Variants in MGST1 observed in about 807,000 individuals in gnomAD.
MGST1 encodes microsomal glutathione S-transferase 1.
In MGST1, 5 loss-of-function variants were observed where a neutral mutation model predicts 8.9. The observed-to-expected ratio is 0.56, with a 90% CI of 0.29 to 1.19. The LOEUF is 1.19. MGST1 is among the 50% of genes most tolerant of loss of function. MGST1 has a pLI of 0.08. For missense variants in MGST1, 182 were observed against 187.4 expected, an observed-to-expected ratio of 0.97 and a Z score of 0.17; for synonymous variants, 54 against 67.8, an observed-to-expected ratio of 0.80 and a Z score of 1.00.
At chr12:16,355,759 G>A (rs897882162) in intron 2 of MGST1, among the ~76,000 whole-genome samples, 1 of 152,202 alleles carries the variant, frequency 6.6e-6, no homozygotes, top group African/African-American at 2.4e-5. Context: ...ACACTTGTTA[G>A]CATTGTCAGG....
intron 3 of MGST1, among the ~76,000 whole-genome samples, chr12:16,371,961 T>A (rs1263623649): frequency 6.6e-6 from 1 of 152,104 alleles, no homozygotes; most frequent in Non-Finnish European, 1.5e-5. Context: ...TAAATGCTAC[T>A]GGGAAAATTG....
Position 16,363,782 on chromosome 12 carries a change from T to C in MGST1, c.222-13T>C, listed in dbSNP as rs931662084. 1.3e-6 allele frequency: 2 copies of C among 1,579,438 alleles called. No homozygotes were observed. Among genetic ancestry groups the C allele is most frequent in the East Asian group, 2.3e-5 (1 of 44,364 alleles). On this transcript the variant is annotated splice_polypyrimidine_tract_variant and intron_variant, in intron 3 of 3. Transcript: ENST00000396210. This position sits in a 1 kb window ranked among gnomAD's most constrained non-coding sequence, Gnocchi z 4.6. Reference sequence around the variant, plus strand: ...TTGAAATTAGTGTCTTTAATAGTTATCTTTTTCCACAGAGCCCACCTGAAT... The same window carrying C: ...TTGAAATTAGTGTCTTTAATAGTTACCTTTTTCCACAGAGCCCACCTGAAT...
chr12:16,524,945 C>G (rs1316813484), intron 4 of MGST1, among the ~76,000 whole-genome samples: 3 of 151,922 alleles, frequency 2.0e-5, no homozygotes, highest in Non-Finnish European at 2.9e-5. Context: ...CATCTAATCC[C>G]CATTGTAATC....
intron 4 of MGST1, among the ~76,000 whole-genome samples, chr12:16,474,892 G>A (rs1941311730): frequency 6.6e-6 from 1 of 152,128 alleles, no homozygotes; most frequent in Admixed American, 6.6e-5. Context: ...ATTGGGATAA[G>A]AATAAAATGA....
At chr12:16,490,031 G>T (rs550261171) in intron 4 of MGST1, among the ~76,000 whole-genome samples, 1 of 152,234 alleles carries the variant, frequency 6.6e-6, no homozygotes, top group East Asian at 1.9e-4. Flanking sequence ...GGAGGCCTAG[G>T]TGGGAAAATC....
chr12:16,378,190 C>T (rs1940410000), downstream of MGST1, among the ~76,000 whole-genome samples: 1 of 152,110 alleles, frequency 6.6e-6, no homozygotes, highest in South Asian at 2.1e-4. Context: ...GTTGCCATTG[C>T]TTTTTGTGTT....
Position 16,547,127 on chromosome 12 carries a change from C to A in MGST1, n.483-42401C>A. The stretch of plus-strand genomic sequence containing the variant: ...AAATGAATTTTCTTCATTTTTCTGG[C>A]CATTCATAAGGTTTTATAAACCCTA... On this transcript the variant is annotated intron_variant and non_coding_transcript_variant, in intron 4 of 4. Coordinates refer to the MGST1 transcript ENST00000538857. The surrounding 1 kb of genome is among the most constrained non-coding windows in gnomAD (Gnocchi z 4.6). Among the ~76,000 whole-genome samples, 1 of 152,026 alleles carries A rather than the reference C, an allele frequency of 6.6e-6. No homozygotes were observed. The highest frequency in any genetic ancestry group is 1.9e-4 in the East Asian group (1 of 5,190).
At chr12:16,549,645 G>A (rs1256968572) in intron 4 of MGST1, 1 of 152,206 alleles carries the variant, frequency 6.6e-6, no homozygotes, top group Non-Finnish European at 1.5e-5. Flanking sequence ...AAAAAACAAA[G>A]AAAAAGAAAA....
chr12:16,547,351 G>A lies in MGST1; in HGVS notation n.483-42177G>A, dbSNP rs1295058881. Among the ~76,000 whole-genome samples the A allele has an allele frequency of 2.6e-5, 4 of 152,104 alleles. No homozygotes were observed. Among genetic ancestry groups the A allele is most frequent in the Non-Finnish European group, 4.4e-5 (3 of 68,006 alleles). ...GAGGGTGACTCATTAATTAATTGAT[G>A]TTCTTTTTTATCATGTGCTATTGAG... On this transcript the variant is annotated intron_variant and non_coding_transcript_variant, in intron 4 of 4. Transcript: ENST00000538857. This position sits in a 1 kb window ranked among gnomAD's most constrained non-coding sequence, Gnocchi z 4.6.
rs1400012446 is a variant in MGST1 at position 16,482,910 on chromosome 12, A to G, written n.482+99306A>G. Among the ~76,000 whole-genome samples, 2 of 152,200 alleles carry G rather than the reference A, an allele frequency of 1.3e-5. No homozygotes were observed. Among genetic ancestry groups the G allele is most frequent in the Non-Finnish European group, 2.9e-5 (2 of 68,032 alleles). ...AGTGCAGCTCCTTTATTGCAACTTCATGACGTGCTCTGGCTCAAATAATTC... is the reference window on the plus strand; with the variant it reads ...AGTGCAGCTCCTTTATTGCAACTTCGTGACGTGCTCTGGCTCAAATAATTC... On this transcript the variant is annotated intron_variant and non_coding_transcript_variant, in intron 4 of 4. Transcript: ENST00000538857. The surrounding 1 kb of genome is among the most constrained non-coding windows in gnomAD (Gnocchi z 4.2).
intron 1 of MGST1, among the ~76,000 whole-genome samples, chr12:16,412,125 T>C (rs1171983579): frequency 6.6e-6 from 1 of 152,192 alleles, no homozygotes; most frequent in Non-Finnish European, 1.5e-5. Flanking sequence ...ATTGAGGCTA[T>C]ATTATTTCTG....
chr12:16,473,935 G>C (rs1056119431), intron 4 of MGST1, among the ~76,000 whole-genome samples: 1 of 152,014 alleles, frequency 6.6e-6, no homozygotes, highest in Non-Finnish European at 1.5e-5. Context: ...GAATGGAAAG[G>C]CCTCAAGTTA....
intron 1 of MGST1, among the ~76,000 whole-genome samples, chr12:16,402,997 CTT>C (rs1304087444): frequency 6.6e-6 from 1 of 150,572 alleles, no homozygotes; most frequent in East Asian, 1.9e-4. Flanking sequence ...AGTAATTAGA[CTT>C]AATCATTTTT....
intron 4 of MGST1, among the ~76,000 whole-genome samples, chr12:16,531,629 A>G (rs1456726036): frequency 6.6e-6 from 1 of 152,158 alleles, no homozygotes; most frequent in African/African-American, 2.4e-5. Flanking sequence ...AAAAAGAACT[A>G]CTAAATGAAA....
intron 1 of MGST1, chr12:16,348,840 T>C (rs1028799932): frequency 1.3e-5 from 2 of 149,624 alleles, no homozygotes; most frequent in Non-Finnish European, 3.0e-5. Flanking sequence ...AGTCCAAATT[T>C]GGATATTACC....
Position 16,445,133 on chromosome 12 carries a change from A to G in MGST1, n.482+61529A>G, listed in dbSNP as rs370681323. On this transcript the variant is annotated intron_variant and non_coding_transcript_variant, in intron 4 of 4. Transcript: ENST00000538857. ...TTGCTGTCTAGCCCTTTTCTGCTCTAGGCCCCATCCGAGATCAGCTCACTA... is the reference window on the plus strand; with the variant it reads ...TTGCTGTCTAGCCCTTTTCTGCTCTGGGCCCCATCCGAGATCAGCTCACTA... Among the ~76,000 whole-genome samples, 3 of 151,746 alleles carry G rather than the reference A, an allele frequency of 2.0e-5. No homozygotes were observed. In the South Asian group the frequency reaches 6.2e-4, roughly 32 times the overall value.
intron 1 of MGST1, among the ~76,000 whole-genome samples, chr12:16,404,002 C>T (rs1013257701): frequency 6.6e-6 from 1 of 152,126 alleles, no homozygotes; most frequent in Non-Finnish European, 1.5e-5. Flanking sequence ...AATATTTTGT[C>T]TGATTTTTTA....
In MGST1 at chr12:16,497,895, A is replaced by G. The variant is rs1048385206; in HGVS notation, n.483-91633A>G. Among the ~76,000 whole-genome samples, 32 of 152,140 alleles carry G rather than the reference A, an allele frequency of 2.1e-4. No individual in the cohort carries two copies. Among genetic ancestry groups the G allele is most frequent in the African/African-American group, 7.5e-4 (31 of 41,440 alleles). Reference sequence around the variant, plus strand: ...GTAGGGCTCAGGAATCTGCATTTCTACCAGTTCTAGTCTAGATGATAGTCT... The same window carrying G: ...GTAGGGCTCAGGAATCTGCATTTCTGCCAGTTCTAGTCTAGATGATAGTCT... On this transcript the variant is annotated intron_variant and non_coding_transcript_variant, in intron 4 of 4. Coordinates refer to the MGST1 transcript ENST00000538857. The surrounding 1 kb of genome is among the most constrained non-coding windows in gnomAD (Gnocchi z 4.4).
At position 16,401,915 on chromosome 12, in the gene MGST1, T is replaced by C; in HGVS notation, n.778+18311T>C. On this transcript the variant is annotated intron_variant and non_coding_transcript_variant, in intron 1 of 1. Transcript: ENST00000359720. This position sits in a 1 kb window ranked among gnomAD's most constrained non-coding sequence, Gnocchi z 4.3. ...CATCCTCCCTTACAGCGACTGTATA[T>C]GCCACAACTGCACTGATATCTATTT... 4 of 1,607,282 alleles carry C rather than the reference T, an allele frequency of 2.5e-6. No individual in the cohort carries two copies. Among genetic ancestry groups the C allele is most frequent in the Non-Finnish European group, 3.4e-6 (4 of 1,173,664 alleles).
Sources: gnomAD v4.1 joint callset for allele counts (sites outside exome capture counted in the v4.1 genomes callset) on GRCh38, gnomAD v4.1.1 for gene constraint, Gnocchi (gnomAD v3.1) non-coding constraint, MANE v1.5 for transcripts, NCBI Gene and HGNC (gene_info 2026-07-23, HGNC 2026-07-21) for gene names.